NCAPH: variants seen among roughly 807,000 people sequenced by gnomAD.
NCAPH encodes non-SMC condensin I complex subunit H, also known as condensin complex subunit 2.
A neutral mutation model predicts 85.5 loss-of-function variants in NCAPH; 38 were observed. The ratio of observed to expected loss-of-function variants is 0.44; its 90% CI spans 0.34 to 0.58. The LOEUF (loss-of-function observed/expected upper bound fraction) is 0.58, where lower values mean the gene tolerates loss of function less well. Ranked by LOEUF, NCAPH falls within the 20% of genes least tolerant of loss-of-function variation. The pLI, the probability that NCAPH is intolerant of heterozygous loss-of-function variation, is 0.01. For synonymous variants in NCAPH, 301 were observed against 335.1 expected, an observed-to-expected ratio of 0.90 and a Z score of 1.11; for missense variants, 789 against 916.6, an observed-to-expected ratio of 0.86 and a Z score of 1.80.
rs1001858747 is a variant in NCAPH at position 96,352,130 on chromosome 2, C to G, written c.910+110C>G. The stretch of plus-strand genomic sequence containing the variant: ...ATGCTCTTATGTTGCTTAAATTACC[C>G]AGAAGTTTCCTCTGGAATGCCAAAT... On this transcript the variant is annotated intron_variant, in intron 7 of 17. Transcript: ENST00000240423. 3.6e-5 allele frequency: 41 copies of G among 1,149,188 alleles called. No homozygotes were observed. The African/African-American group carries it at 6.1e-4, about 17-fold the overall frequency. The allele number at this position is 1,149,188 out of a possible 1,614,324, so 71.2% of individuals were successfully genotyped here.
At chr2:96,353,258 A>G in intron 7 of NCAPH, 48 bp from the exon 8 acceptor site, 11 of 1,488,932 alleles carry the variant, frequency 7.4e-6, no homozygotes, top group Non-Finnish European at 1.0e-5. Flanking sequence ...TAAGGAATGC[A>G]CTTGACCCCC....
At chr2:96,340,994 A>G (rs2064287272) in intron 1 of NCAPH, among the ~76,000 whole-genome samples, 1 of 152,146 alleles carries the variant, frequency 6.6e-6, no homozygotes, top group Admixed American at 6.5e-5. Flanking sequence ...TTCCTGGGTG[A>G]TGCTATGAAT....
At chr2:96,355,411 A>G (rs2064510222) in intron 9 of NCAPH, among the ~76,000 whole-genome samples, 1 of 152,146 alleles carries the variant, frequency 6.6e-6, no homozygotes, top group Non-Finnish European at 1.5e-5. Flanking sequence ...GTTGCTTAGT[A>G]TAATTTCCCG....
intron 15 of NCAPH, among the ~76,000 whole-genome samples, chr2:96,367,715 A>G (rs1238562067): frequency 1.3e-5 from 2 of 152,258 alleles, no homozygotes; most frequent in Admixed American, 1.3e-4. Flanking sequence ...TGAACCAAGT[A>G]TACAAGTAGG....
intron 14 of NCAPH, among the ~76,000 whole-genome samples, chr2:96,366,457 G>C (rs2064700629): frequency 6.6e-6 from 1 of 152,182 alleles, no homozygotes; most frequent in Non-Finnish European, 1.5e-5. Context: ...CAGGTGGCAG[G>C]CTTTATGCTT....
At position 96,373,434 on chromosome 2, in the gene NCAPH, C is replaced by A. The variant is rs1040886853; in HGVS notation, c.*83C>A. The A allele has an allele frequency of 2.9e-6, 4 of 1,356,138 alleles. No individual in the cohort carries two copies. The African/African-American group carries it at 5.8e-5, about 19-fold the overall frequency. 84.0% of individuals were successfully genotyped at this position (1,356,138 alleles called of 1,614,324 possible). A position where few individuals can be genotyped will look rare whatever the true frequency, so the allele number is the denominator to read the frequency against. Reference sequence around the variant, plus strand: ...TCCCCAGTCTCGGGGGAAGAAGATGCCATGGGCTTATACCCAGGCTGTAGC... The same window carrying A: ...TCCCCAGTCTCGGGGGAAGAAGATGACATGGGCTTATACCCAGGCTGTAGC... On this transcript the variant is annotated 3_prime_UTR_variant, in exon 18 of 18. Coordinates refer to ENST00000240423, the MANE Select transcript of NCAPH (RefSeq NM_015341.5).
Position 96,354,205 on chromosome 2 carries a change from A to G in NCAPH, c.1025A>G (p.Lys342Arg), listed in dbSNP as rs2104456075. The G allele has an allele frequency of 6.2e-7, 1 of 1,614,112 alleles. No homozygotes were observed. Among genetic ancestry groups the G allele is most frequent in the East Asian group, 2.2e-5 (1 of 44,874 alleles). Reference sequence around the variant, plus strand: ...CAGTCTGTGTCGGCCCTGGTAGACAAGTTTAAGAAGAATGACCAGGTATTT... The same window carrying G: ...CAGTCTGTGTCGGCCCTGGTAGACAGGTTTAAGAAGAATGACCAGGTATTT... The part of the protein sequence containing the change: ...HNESVSALVD[K>R]FKKNDQVFDI... Residue 342 changes from lysine to arginine, a missense_variant, in exon 9 of 18, where the codon AAG (lysine) becomes AGG (arginine). Physicochemically the swap from Lys to Arg is conservative, Grantham distance 26. Coordinates refer to ENST00000240423, the MANE Select transcript of NCAPH (RefSeq NM_015341.5).
chr2:96,342,257 C>G, intron 3 of NCAPH, 117 bp downstream of exon 3: 1 of 998,620 alleles, frequency 1.0e-6, no homozygotes, highest in Non-Finnish European at 1.5e-6. Context: ...GGTGAGTCAT[C>G]TTAGTGCTGG....
chr2:96,360,004 TC>T (rs2064582491), intron 10 of NCAPH, 138 bp from the exon 11 acceptor site: 1 of 613,168 alleles, frequency 1.6e-6, no homozygotes, highest in African/African-American at 1.9e-5. Flanking sequence ...GATTGAGCAC[TC>T]CTACTGTTGT....
chr2:96,374,801 T>C lies in NCAPH; in HGVS notation c.*1450T>C, dbSNP rs770218291. ...CCAGGCCAGGTTAGTGCTGGGCTTC[T>C]TGCTTTCCTTCTATTCCTGAGAGTA... On this transcript the variant is annotated 3_prime_UTR_variant, in exon 18 of 18. Coordinates refer to ENST00000240423, the MANE Select transcript of NCAPH (RefSeq NM_015341.5). 1.1e-4 allele frequency among the ~76,000 whole-genome samples: 17 copies of C among 152,146 alleles called. No individual in the cohort carries two copies. The highest frequency in any genetic ancestry group is 2.2e-4 in the Non-Finnish European group (15 of 68,032).
rs774887560 is a variant in NCAPH, at chr2:96,351,888, G to A, written c.778G>A (p.Val260Met). 8.1e-6 allele frequency: 13 copies of A among 1,614,024 alleles called. No individual in the cohort carries two copies. In the East Asian group the frequency reaches 2.2e-4, roughly 28 times the overall value. The change falls in exon 7 of 18, where the codon GTG (valine) becomes ATG (methionine). Residue 260 changes from valine (V) to methionine (M), a missense_variant. Transcript: ENST00000240423. ...ATTTGATGAGTGCAGCACAGCAGGGGTGTTTCTGTCCACTCTCCACTGCCA... is the reference window on the plus strand; with the variant it reads ...ATTTGATGAGTGCAGCACAGCAGGGATGTTTCTGTCCACTCTCCACTGCCA... The part of the protein sequence containing the change: ...ASFDECSTAG[V>M]FLSTLHCQDY...
chr2:96,338,780 G>A (rs563482260), intron 1 of NCAPH, among the ~76,000 whole-genome samples: 2 of 152,324 alleles, frequency 1.3e-5, no homozygotes, highest in South Asian at 4.2e-4. Context: ...ACAGCTGCAA[G>A]AGAACACATA....
At chr2:96,341,411 G>T (rs1438003833) in intron 1 of NCAPH, 2 of 536,992 alleles carry the variant, frequency 3.7e-6, no homozygotes, top group Non-Finnish European at 6.5e-6. Context: ...TCACATAGCT[G>T]CAGAGTGGAT....
Position 96,376,598 on chromosome 2 carries a change from A to C in NCAPH, c.*3247A>C, listed in dbSNP as rs772540116. ...TAGTGGATCACAGGCAGAGTGGGGC[A>C]TTGTTCCCCTTCTTAGCACAGGATA... On this transcript the variant is annotated 3_prime_UTR_variant, in exon 18 of 18. Coordinates refer to ENST00000240423, the MANE Select transcript of NCAPH (RefSeq NM_015341.5). 6.6e-6 allele frequency among the ~76,000 whole-genome samples: 1 copy of C among 152,188 alleles called. No individual in the cohort carries two copies. Among genetic ancestry groups the C allele is most frequent in the Admixed American group, 6.5e-5 (1 of 15,278 alleles).
intron 1 of NCAPH, among the ~76,000 whole-genome samples, chr2:96,337,851 G>A (rs2064235606): frequency 6.6e-6 from 1 of 152,112 alleles, no homozygotes; most frequent in African/African-American, 2.4e-5. Context: ...TGGAACCACA[G>A]ATGCCTGGCA....
rs1573105483 is a variant in NCAPH at position 96,376,260 on chromosome 2, G to T, written c.*2909G>T. Among the ~76,000 whole-genome samples, 1 of 152,202 alleles carries T rather than the reference G, an allele frequency of 6.6e-6. No individual in the cohort carries two copies. The highest frequency in any genetic ancestry group is 1.9e-4 in the East Asian group (1 of 5,188). On this transcript the variant is annotated 3_prime_UTR_variant, in exon 18 of 18. Coordinates refer to ENST00000240423, the MANE Select transcript of NCAPH (RefSeq NM_015341.5). ...TAAGGGCAGGAGAATTTGCAAGATA[G>T]AATTTGCAATTTGCAAGAGGGAATT...
chr2:96,375,608 G>C lies in NCAPH; in HGVS notation c.*2257G>C, dbSNP rs757789640. Among the ~76,000 whole-genome samples, 6 of 152,148 alleles carry C rather than the reference G, an allele frequency of 3.9e-5. No individual in the cohort carries two copies. The highest frequency in any genetic ancestry group is 5.9e-5 in the Non-Finnish European group (4 of 68,030). On this transcript the variant is annotated 3_prime_UTR_variant, in exon 18 of 18. Coordinates refer to ENST00000240423, the MANE Select transcript of NCAPH (RefSeq NM_015341.5). ...TAGAACTGTGAACAATAAATCTATT[G>C]TTTATAAATTAAGCAGTCTAAGTCA...
At chr2:96,351,449 A>G (rs1291294225) in intron 6 of NCAPH, among the ~76,000 whole-genome samples, 2 of 152,140 alleles carry the variant, frequency 1.3e-5, no homozygotes, top group Non-Finnish European at 2.9e-5. Flanking sequence ...TGGGTGGATC[A>G]CTTAAGGTCA....
Position 96,373,584 on chromosome 2 carries a change from G to A in NCAPH, c.*233G>A. ...ACTGCCCTATGGTGACCATCTAGGAGAGGGGAGGGCAGAGGGGGTGAGGGT... is the reference window on the plus strand; with the variant it reads ...ACTGCCCTATGGTGACCATCTAGGAAAGGGGAGGGCAGAGGGGGTGAGGGT... On this transcript the variant is annotated 3_prime_UTR_variant, in exon 18 of 18. Transcript: ENST00000240423. 1 of 442,176 alleles carries A rather than the reference G, an allele frequency of 2.3e-6. No homozygotes were observed. The highest frequency in any genetic ancestry group is 4.1e-6 in the Non-Finnish European group (1 of 246,232). The allele number at this position is 442,176 out of a possible 1,614,324, so 27.4% of individuals were successfully genotyped here.
Sources: allele counts gnomAD v4.1 joint callset (sites outside exome capture counted in the v4.1 genomes callset), GRCh38; gene constraint gnomAD v4.1.1; transcripts MANE v1.5; gene names NCBI Gene and HGNC (gene_info 2026-07-23, HGNC 2026-07-21).